The following UACA variants were observed in gnomAD, a reference collection of about 807,000 sequenced individuals.
The protein encoded by UACA is uveal autoantigen with coiled-coil domains and ankyrin repeats.
UACA carries 112 observed loss-of-function variants against 160.5 expected under a neutral mutation model. The observed-to-expected ratio is 0.70, with a 90% CI of 0.60 to 0.82. The LOEUF is 0.82. Ranked by LOEUF, UACA falls within the 40% of genes least tolerant of loss-of-function variation. The probability of loss-of-function intolerance (pLI) is 0.00; values close to 1 mark genes in which losing one functional copy is unlikely to be tolerated. For synonymous variants in UACA, 557 were observed against 568.4 expected (o/e 0.98, Z 0.29); for missense variants, 1,574 against 1,614.6 (o/e 0.97, Z 0.43).
At chr15:70,774,937 C>A in the UACA span, among the ~76,000 whole-genome samples, 1 of 151,926 alleles carries the variant, frequency 6.6e-6, no homozygotes, top group Non-Finnish European at 1.5e-5. Context: ...CACCTGTAGT[C>A]CCAGCTACTG....
intron 1 of UACA, among the ~76,000 whole-genome samples, chr15:70,724,538 G>A (rs1188912787): frequency 6.6e-6 from 1 of 152,016 alleles, no homozygotes; most frequent in Non-Finnish European, 1.5e-5. Context: ...TGAAAATGGA[G>A]TGTTTTTAAC....
At chr15:70,687,470 G>T in intron 7 of UACA, 70 bp downstream of exon 7, 1 of 1,427,066 alleles carries the variant, frequency 7.0e-7, no homozygotes, top group Non-Finnish European at 9.9e-7. Flanking sequence ...GAACAGAGCT[G>T]CTGCTTTGAC....
At chr15:70,699,722 A>G in intron 1 of UACA, 62 bp from the exon 2 acceptor site, 5 of 1,566,786 alleles carry the variant, frequency 3.2e-6, no homozygotes, top group Non-Finnish European at 4.3e-6. Context: ...TTTTCTAAAG[A>G]AAGAAAAAAG....
rs772292528 is a variant in UACA, at chr15:70,719,096, AAG to A, written c.79-19438_79-19437del. ...AAAGAGGGAGGAAGGAAGAAAGAGA[AAG>A]AGAAGATGAAGAGAAGGAGAAGGAG... On this transcript the variant is annotated intron_variant, in intron 1 of 18. Coordinates refer to ENST00000322954, the MANE Select transcript of UACA (RefSeq NM_018003.4). Among the ~76,000 whole-genome samples the A allele has an allele frequency of 4.0e-5, 6 of 151,650 alleles. No individual in the cohort carries two copies. In the East Asian group the frequency reaches 9.7e-4, roughly 25 times the overall value.
intron 1 of UACA, among the ~76,000 whole-genome samples, chr15:70,739,603 A>G (rs1028384225): frequency 6.6e-6 from 1 of 152,212 alleles, no homozygotes; most frequent in African/African-American, 2.4e-5. Context: ...ATATATACCA[A>G]ATTTTCAATA....
intron 1 of UACA, among the ~76,000 whole-genome samples, chr15:70,740,815 G>A (rs1445116266): frequency 6.6e-6 from 1 of 152,078 alleles, no homozygotes; most frequent in East Asian, 1.9e-4. Context: ...GCCCAGGCGG[G>A]CAGATCACAA....
intron 3 of UACA, among the ~76,000 whole-genome samples, chr15:70,694,155 A>T (rs962132075): frequency 2.0e-5 from 3 of 152,206 alleles, no homozygotes; most frequent in Non-Finnish European, 4.4e-5. Context: ...AAAACAAAGT[A>T]TAACTGCAAA....
At position 70,690,448 on chromosome 15, in the gene UACA, G is replaced by A. The variant is rs1448593606; in HGVS notation, c.424+6C>T. On this transcript the variant is annotated splice_donor_region_variant and intron_variant, in intron 5 of 18. Coordinates refer to ENST00000322954, the MANE Select transcript of UACA (RefSeq NM_018003.4). ...ATATTTGTATCCAAGGGAAACCACT[G>A]CTCACCGGCATCGTGAAGTGCAGTT... The A allele has an allele frequency of 1.7e-5, 27 of 1,612,134 alleles. No homozygotes were observed. The highest frequency in any genetic ancestry group is 2.2e-5 in the Non-Finnish European group (26 of 1,179,026).
At chr15:70,715,988 C>A (rs376952797) in intron 1 of UACA, among the ~76,000 whole-genome samples, 2 of 152,162 alleles carry the variant, frequency 1.3e-5, no homozygotes, top group African/African-American at 4.8e-5. Context: ...GTGGATGATG[C>A]AGCCACTATC....
chr15:70,751,932 G>A (rs2030088658), intron 1 of UACA, among the ~76,000 whole-genome samples: 1 of 152,034 alleles, frequency 6.6e-6, no homozygotes, highest in Non-Finnish European at 1.5e-5. Context: ...AAAAGGATTT[G>A]TCATTTAAAA....
chr15:70,678,405 A>T (rs1347768377), intron 10 of UACA, among the ~76,000 whole-genome samples, 199 bp from the exon 11 acceptor site: 1 of 152,198 alleles, frequency 6.6e-6, no homozygotes, highest in Non-Finnish European at 1.5e-5. Flanking sequence ...TTACTATCCT[A>T]TAATAGCTAA....
intron 1 of UACA, among the ~76,000 whole-genome samples, chr15:70,710,991 T>A (rs1385802180): frequency 1.1e-4 from 17 of 152,164 alleles, no homozygotes. Context: ...CCTCTAATCA[T>A]GGCTTGGTCT....
intron 5 of UACA, 43 bp from the exon 6 acceptor site, chr15:70,687,863 G>A (rs774615639): frequency 6.3e-7 from 1 of 1,585,486 alleles, no homozygotes; most frequent in South Asian, 1.1e-5. Flanking sequence ...AACATCTGTT[G>A]GTAAGACACA....
intron 8 of UACA, 117 bp downstream of exon 8, chr15:70,684,148 C>T (rs1037070342): frequency 1.2e-6 from 1 of 853,100 alleles, no homozygotes; most frequent in African/African-American, 1.7e-5. Flanking sequence ...TGAACCAATA[C>T]TGTTTATCAG....
chr15:70,742,230 C>A (rs1899560293), intron 1 of UACA, among the ~76,000 whole-genome samples: 1 of 152,208 alleles, frequency 6.6e-6, no homozygotes, highest in South Asian at 2.1e-4. Context: ...TTCACATCTT[C>A]ATTTTAAAGG....
intron 18 of UACA, among the ~76,000 whole-genome samples, chr15:70,659,412 T>TTTTTTTTTTTTTTG (rs1896616310): frequency 7.5e-6 from 1 of 133,126 alleles, no homozygotes. Context: ...TTTTTTTTTT[T>TTTTTTTTTTTTTTG]TTTTTTTTTT....
chr15:70,708,305 A>T (rs1226474198), intron 1 of UACA, among the ~76,000 whole-genome samples: 1 of 152,162 alleles, frequency 6.6e-6, no homozygotes, highest in Non-Finnish European at 1.5e-5. Context: ...TAATGGGTAT[A>T]GAGTTTCAAT....
intron 5 of UACA, among the ~76,000 whole-genome samples, chr15:70,689,046 T>C (rs1897831935): frequency 6.6e-6 from 1 of 152,154 alleles, no homozygotes; most frequent in Non-Finnish European, 1.5e-5. Flanking sequence ...CAGTAGAATA[T>C]GAATGGAGAA....
chr15:70,763,806 C>G (rs1199824797), upstream of UACA, among the ~76,000 whole-genome samples: 2 of 152,252 alleles, frequency 1.3e-5, no homozygotes, highest in African/African-American at 4.8e-5. Flanking sequence ...CCCGCCCACC[C>G]GGAGCTTAAG....
Sources: allele counts gnomAD v4.1 joint callset (sites outside exome capture counted in the v4.1 genomes callset), GRCh38; gene constraint gnomAD v4.1.1; transcripts MANE v1.5; gene names NCBI Gene and HGNC (gene_info 2026-07-23, HGNC 2026-07-21).